Variants in SORBS2 observed in about 807,000 individuals in gnomAD.
SORBS2 encodes the protein sorbin and SH3 domain containing 2.
SORBS2 carries 46 observed loss-of-function variants against 97.7 expected under a neutral mutation model. That is an observed-to-expected ratio of 0.47 (90% CI 0.37 to 0.60). The LOEUF (loss-of-function observed/expected upper bound fraction) is 0.60, where lower values mean the gene tolerates loss of function less well. Ranked by LOEUF, SORBS2 falls within the 20% of genes least tolerant of loss-of-function variation. The pLI is 0.00. For missense variants in SORBS2, 1,316 were observed against 1,282.3 expected (o/e 1.03, Z -0.40); for synonymous variants, 476 against 473.4 (o/e 1.01, Z -0.07).
Position 185,863,563 on chromosome 4 carries a change from T to C in SORBS2, c.-337-88197A>G, listed in dbSNP as rs536637574. 5.9e-5 allele frequency among the ~76,000 whole-genome samples: 9 copies of C among 152,348 alleles called. No homozygotes were observed. In the East Asian group the frequency reaches 9.6e-4, roughly 16 times the overall value. ...ATACCAGTGCTATTGCATAGGATTA[T>C]TTTCATTATTCAGTTTTCAAGTTTT... On this transcript the variant is annotated intron_variant, in intron 1 of 20. Transcript: ENST00000284776.
At chr4:185,856,764 A>T (rs954018129) in intron 1 of SORBS2, among the ~76,000 whole-genome samples, 2 of 152,144 alleles carry the variant, frequency 1.3e-5, no homozygotes, top group Non-Finnish European at 2.9e-5. Flanking sequence ...TAAAGGAAAG[A>T]GGTTTAAATT....
At chr4:185,827,299 A>ATTG (rs1243650195) in intron 1 of SORBS2, among the ~76,000 whole-genome samples, 2 of 144,288 alleles carry the variant, frequency 1.4e-5, no homozygotes, top group Admixed American at 6.9e-5. Flanking sequence ...CATCATCATC[A>ATTG]TCACCATCAT....
At chr4:185,630,061 AT>A (rs1217400875) in intron 5 of SORBS2, among the ~76,000 whole-genome samples, 1 of 152,124 alleles carries the variant, frequency 6.6e-6, no homozygotes, top group Non-Finnish European at 1.5e-5. Flanking sequence ...AGTGGGGACA[AT>A]AGTATTTAAC....
intron 2 of SORBS2, among the ~76,000 whole-genome samples, chr4:185,731,866 C>CTATATATATATATA (rs544211866): frequency 4.0e-5 from 1 of 24,692 alleles, no homozygotes; most frequent in Non-Finnish European, 6.7e-5. Flanking sequence ...CTCTCTCTCT[C>CTATATATATATATA]TATATATATA....
At chr4:185,866,173 T>C (rs2099226782) in intron 1 of SORBS2, among the ~76,000 whole-genome samples, 1 of 152,182 alleles carries the variant, frequency 6.6e-6, no homozygotes, top group Admixed American at 6.5e-5. Context: ...AAGATACTGA[T>C]TACCAAGGAG....
chr4:185,915,324 T>C (rs907673791), intron 1 of SORBS2, among the ~76,000 whole-genome samples: 1 of 152,208 alleles, frequency 6.6e-6, no homozygotes, highest in Non-Finnish European at 1.5e-5. Context: ...TAGACTCACA[T>C]GTTTCCTCTA....
intron 4 of SORBS2, among the ~76,000 whole-genome samples, chr4:185,634,149 C>A (rs28731259): frequency 6.6e-6 from 1 of 151,866 alleles, no homozygotes; most frequent in Non-Finnish European, 1.5e-5. Flanking sequence ...ATATTTTGAT[C>A]ACTTCTCAGT....
Position 185,606,681 on chromosome 4 carries a change from C to A in SORBS2, c.2796+5099G>T, listed in dbSNP as rs1485921187. On this transcript the variant is annotated intron_variant, in intron 12 of 14. Transcript: ENST00000418609. The surrounding 1 kb of genome is among the most constrained non-coding windows in gnomAD (Gnocchi z 4.3). The stretch of plus-strand genomic sequence containing the variant: ...GTTTTAGGCAGTTGGGTTTCTCCTC[C>A]TCCTCCTCCTCTTCAATGTGCAGGT... 2 of 985,170 alleles carry A rather than the reference C, an allele frequency of 2.0e-6. No individual in the cohort carries two copies. Among genetic ancestry groups the A allele is most frequent in the Admixed American group, 6.2e-5 (1 of 16,254 alleles). The allele number at this position is 985,170 out of a possible 1,614,324, so 61.0% of individuals were successfully genotyped here.
At chr4:185,589,001 T>A (rs905999723) in intron 14 of SORBS2, among the ~76,000 whole-genome samples, 22 of 152,152 alleles carry the variant, frequency 1.4e-4, no homozygotes, top group African/African-American at 4.8e-4. Context: ...CACCGATGGA[T>A]GTCTAGAGTG....
At chr4:185,605,911 T>C (rs1580792208) in intron 12 of SORBS2, 1 of 195,576 alleles carries the variant, frequency 5.1e-6, no homozygotes, top group African/African-American at 2.4e-5. Context: ...AGTTTCTGGA[T>C]ATTTTCTGCC....
chr4:185,894,685 A>G (rs142408277), intron 1 of SORBS2, among the ~76,000 whole-genome samples: 24 of 152,314 alleles, frequency 1.6e-4, no homozygotes, highest in African/African-American at 4.6e-4. Context: ...AGGTTCAGCC[A>G]ATCAGCTCCA....
intron 1 of SORBS2, among the ~76,000 whole-genome samples, chr4:185,895,494 T>C (rs1017775263): frequency 2.6e-5 from 4 of 152,236 alleles, no homozygotes; most frequent in Non-Finnish European, 5.9e-5. Flanking sequence ...TCCGTTCTGC[T>C]GCAGCAGATG....
intron 2 of SORBS2, among the ~76,000 whole-genome samples, chr4:185,716,074 T>G (rs1456373313): frequency 6.6e-6 from 1 of 152,220 alleles, no homozygotes; most frequent in Non-Finnish European, 1.5e-5. Context: ...ATCAGAGGAT[T>G]TCATAGAAAA....
intron 1 of SORBS2, among the ~76,000 whole-genome samples, chr4:185,849,795 T>G (rs1253050249): frequency 6.6e-6 from 1 of 152,100 alleles, no homozygotes; most frequent in East Asian, 1.9e-4. Flanking sequence ...CACAGAAGAC[T>G]GAGAGACGAC....
intron 1 of SORBS2, among the ~76,000 whole-genome samples, chr4:185,942,514 C>T (rs1038125049): frequency 6.6e-6 from 1 of 152,036 alleles, no homozygotes; most frequent in Non-Finnish European, 1.5e-5. Flanking sequence ...CCATGCCCAG[C>T]TGACTTTTGT....
intron 12 of SORBS2, among the ~76,000 whole-genome samples, chr4:185,597,348 G>T (rs750510574): frequency 6.6e-6 from 1 of 152,078 alleles, no homozygotes; most frequent in Non-Finnish European, 1.5e-5. Context: ...GCTGTGTAAA[G>T]GTGTCCGTCA....
chr4:185,848,280 C>A (rs2099215703), intron 1 of SORBS2, among the ~76,000 whole-genome samples: 1 of 152,056 alleles, frequency 6.6e-6, no homozygotes, highest in Admixed American at 6.5e-5. Context: ...TGCAGGGATT[C>A]CTGAGTGCCT....
chr4:185,704,908 C>T (rs1156915128), intron 2 of SORBS2, among the ~76,000 whole-genome samples: 1 of 152,214 alleles, frequency 6.6e-6, no homozygotes, highest in East Asian at 1.9e-4. Context: ...CTGACCAGCT[C>T]ATGCGGTGCA....
intron 1 of SORBS2, among the ~76,000 whole-genome samples, chr4:185,953,567 G>C (rs2099278227): frequency 6.6e-6 from 1 of 152,164 alleles, no homozygotes; most frequent in African/African-American, 2.4e-5. Context: ...TTAAATCCAA[G>C]GCAATACTCT....
Sources: gnomAD v4.1 joint callset for allele counts (sites outside exome capture counted in the v4.1 genomes callset) on GRCh38, gnomAD v4.1.1 for gene constraint, Gnocchi (gnomAD v3.1) non-coding constraint, MANE v1.5 for transcripts, NCBI Gene and HGNC (gene_info 2026-07-23, HGNC 2026-07-21) for gene names.